The following FOXN1 variants were observed in gnomAD, a reference collection of about 807,000 sequenced individuals.
FOXN1 encodes forkhead box N1, also known as forkhead box protein N1.
FOXN1 carries 15 observed loss-of-function variants against 49.0 expected under a neutral mutation model. The ratio of observed to expected loss-of-function variants is 0.31; its 90% CI spans 0.20 to 0.47. The LOEUF (loss-of-function observed/expected upper bound fraction) is 0.47. FOXN1 is among the 20% of genes least tolerant of loss of function. The pLI, the probability that FOXN1 is intolerant of heterozygous loss-of-function variation, is 1.00. For missense variants in FOXN1, 800 were observed against 842.8 expected, an observed-to-expected ratio of 0.95 and a Z score of 0.63; for synonymous variants, 356 against 369.0, an observed-to-expected ratio of 0.96 and a Z score of 0.40.
At chr17:28,532,088 G>A (rs906543928) in intron 6 of FOXN1, among the ~76,000 whole-genome samples, 2 of 152,136 alleles carry the variant, frequency 1.3e-5, no homozygotes, top group Non-Finnish European at 2.9e-5. Flanking sequence ...GGGTCTTCTA[G>A]GGTTTCAAGG....
rs200898611 is a variant in FOXN1 at position 28,530,823 on chromosome 17, C to T, written c.905C>T (p.Thr302Met). 6.0e-5 allele frequency: 96 copies of T among 1,602,378 alleles called. No individual in the cohort carries two copies. The highest frequency in any genetic ancestry group is 1.1e-4 in the East Asian group (5 of 44,802). Reference protein sequence around the residue: ...LPVSEIYNFMTEHFPYFKTAP... With the variant: ...LPVSEIYNFMMEHFPYFKTAP... The stretch of plus-strand genomic sequence containing the variant: ...GTCAGCGAGATCTACAATTTTATGA[C>T]GGAGCACTTTCCTTACTTCAAGGTG... The change falls in exon 6 of 9, where the codon ACG becomes ATG. Residue 302 changes from threonine to methionine, a missense_variant. Physicochemically the swap from Thr to Met is moderately conservative, Grantham distance 81. This residue lies in a region of FOXN1 where 73 missense variants were observed against 118.9 expected (regional missense o/e 0.61). Coordinates refer to ENST00000579795, the MANE Select transcript of FOXN1 (RefSeq NM_001369369.1).
intron 4 of FOXN1, among the ~76,000 whole-genome samples, chr17:28,527,719 G>A (rs1886964516): frequency 6.6e-6 from 1 of 152,154 alleles, no homozygotes; most frequent in African/African-American, 2.4e-5. Context: ...TGAAACACAG[G>A]CCGAGCAGGT....
At chr17:28,526,362 G>A (rs1386167583) in intron 3 of FOXN1, among the ~76,000 whole-genome samples, 1 of 152,228 alleles carries the variant, frequency 6.6e-6, no homozygotes, top group Non-Finnish European at 1.5e-5. Context: ...CAGCTGATTT[G>A]CCCCTCTGGG....
intron 1 of FOXN1, among the ~76,000 whole-genome samples, chr17:28,514,312 T>G (rs2151477039): frequency 6.6e-6 from 1 of 152,120 alleles, no homozygotes; most frequent in East Asian, 1.9e-4. Flanking sequence ...CCCACTCCCC[T>G]CCCTGCCCAT....
At chr17:28,535,757 A>G (rs918435221) in intron 8 of FOXN1, among the ~76,000 whole-genome samples, 1 of 152,150 alleles carries the variant, frequency 6.6e-6, no homozygotes, top group African/African-American at 2.4e-5. Context: ...ACAAACAAAC[A>G]AAAAAACCAC....
chr17:28,518,952 T>C (rs1001822958), intron 1 of FOXN1, among the ~76,000 whole-genome samples: 1 of 152,152 alleles, frequency 6.6e-6, no homozygotes, highest in African/African-American at 2.4e-5. Flanking sequence ...CTTTCAAAAG[T>C]AAATAAATCA....
chr17:28,525,089 A>G, intron 3 of FOXN1, 122 bp downstream of exon 3: 1 of 827,286 alleles, frequency 1.2e-6, no homozygotes, highest in South Asian at 1.5e-5. Flanking sequence ...GCCACTCAAG[A>G]CCAGAGAGTT....
intron 6 of FOXN1, among the ~76,000 whole-genome samples, chr17:28,531,294 A>G (rs912043240): frequency 6.6e-6 from 1 of 152,216 alleles, no homozygotes; most frequent in Non-Finnish European, 1.5e-5. Flanking sequence ...AGGTGAGATT[A>G]GGATCTATCT....
intron 1 of FOXN1, among the ~76,000 whole-genome samples, chr17:28,523,391 T>G (rs2069681229): frequency 6.6e-6 from 1 of 152,194 alleles, no homozygotes; most frequent in Admixed American, 6.5e-5. Flanking sequence ...TCAGCCAGGC[T>G]GACCTGAGGG....
chr17:28,528,505 G>A (rs1235023567), intron 4 of FOXN1, among the ~76,000 whole-genome samples: 1 of 152,104 alleles, frequency 6.6e-6, no homozygotes, highest in Non-Finnish European at 1.5e-5. Context: ...TGTCTCTTGG[G>A]TAACCTGGAA....
intron 8 of FOXN1, among the ~76,000 whole-genome samples, chr17:28,536,820 AT>A: frequency 6.6e-6 from 1 of 152,152 alleles, no homozygotes; most frequent in East Asian, 1.9e-4. Context: ...CAACATTGGC[AT>A]CCATGCTGTC....
intron 1 of FOXN1, among the ~76,000 whole-genome samples, chr17:28,507,618 C>G (rs1392224361): frequency 6.6e-6 from 1 of 152,200 alleles, no homozygotes; most frequent in Non-Finnish European, 1.5e-5. Context: ...CCTGGAGCCT[C>G]TCTGAAGTCT....
intron 1 of FOXN1, among the ~76,000 whole-genome samples, chr17:28,514,866 A>G (rs1413971566): frequency 6.6e-6 from 1 of 152,058 alleles, no homozygotes; most frequent in African/African-American, 2.4e-5. Context: ...AGACCCTCCC[A>G]AGGAAACCTC....
chr17:28,508,706 C>T (rs1195139846), intron 1 of FOXN1, among the ~76,000 whole-genome samples: 4 of 152,166 alleles, frequency 2.6e-5, no homozygotes, highest in South Asian at 2.1e-4. Flanking sequence ...GCCCCACTCT[C>T]GCTGCGCCTC....
At chr17:28,515,742 T>G (rs1021824824) in intron 1 of FOXN1, among the ~76,000 whole-genome samples, 1 of 151,258 alleles carries the variant, frequency 6.6e-6, no homozygotes, top group African/African-American at 2.4e-5. Context: ...TCCACAAGTA[T>G]ACACACTTTC....
chr17:28,526,352 C>T (rs1048970219), intron 3 of FOXN1, among the ~76,000 whole-genome samples: 2 of 152,250 alleles, frequency 1.3e-5, no homozygotes, highest in African/African-American at 4.8e-5. Flanking sequence ...AGAGAGGTCA[C>T]AGCTGATTTG....
At position 28,529,315 on chromosome 17, in the gene FOXN1, T is replaced by C. The variant is rs146974509; in HGVS notation, c.830+91T>C. 9 of 1,491,912 alleles carry C rather than the reference T, an allele frequency of 6.0e-6. No homozygotes were observed. The African/African-American group carries it at 8.3e-5, about 14-fold the overall frequency. 92.4% of individuals were successfully genotyped at this position (1,491,912 alleles called of 1,614,324 possible). Reference sequence around the variant, plus strand: ...GCATGGAATCCTCTGGGTCTACCAGTAATGGCAGCAGGTGGAAATCATACC... The same window carrying C: ...GCATGGAATCCTCTGGGTCTACCAGCAATGGCAGCAGGTGGAAATCATACC... On this transcript the variant is annotated intron_variant, in intron 5 of 8. Coordinates refer to ENST00000579795, the MANE Select transcript of FOXN1 (RefSeq NM_001369369.1).
chr17:28,527,394 A>G (rs1174367117), intron 4 of FOXN1, 33 bp downstream of exon 4: 2 of 1,218,268 alleles, frequency 1.6e-6, no homozygotes, highest in African/African-American at 3.0e-5. Flanking sequence ...TGCTTCCCCC[A>G]GGTCTGAGGA....
At position 28,534,992 on chromosome 17, in the gene FOXN1, A is replaced by G. The variant is rs1282867070; in HGVS notation, c.1421A>G (p.Gln474Arg). 6.2e-7 allele frequency: 1 copy of G among 1,613,956 alleles called. No individual in the cohort carries two copies. The highest frequency in any genetic ancestry group is 1.7e-5 in the Admixed American group (1 of 60,026). Residue 474 changes from glutamine (Q) to arginine (R), a missense_variant, in exon 8 of 9, where the codon CAG becomes CGG. Transcript: ENST00000579795. The surrounding 1 kb of genome is among the most constrained non-coding windows in gnomAD (Gnocchi z 4.1). ...GGACCCCCGCAGCCATTGTTCCCAC[A>G]GCCGGACGGGCACCTTGAGCTGCGG... ...PPGPPQPLFPQPDGHLELRAQ... is the reference protein window; with the variant it reads ...PPGPPQPLFPRPDGHLELRAQ...
Sources: allele counts gnomAD v4.1 joint callset (sites outside exome capture counted in the v4.1 genomes callset), GRCh38; gene constraint gnomAD v4.1.1; regional missense constraint gnomAD v4.1.1; non-coding constraint Gnocchi (gnomAD v3.1); transcripts MANE v1.5; gene names NCBI Gene and HGNC (gene_info 2026-07-23, HGNC 2026-07-21).